Variants in NOL4 observed in about 807,000 individuals in gnomAD.
NOL4 encodes cancer/testis antigen 125.
NOL4 carries 17 observed loss-of-function variants against 75.9 expected under a neutral mutation model. The observed-to-expected ratio is 0.22, with a 90% CI of 0.15 to 0.34. The LOEUF is 0.34. Ranked by LOEUF, NOL4 falls within the 10% of genes least tolerant of loss-of-function variation. The probability of loss-of-function intolerance (pLI) is 1.00; values close to 1 mark genes in which losing one functional copy is unlikely to be tolerated. For synonymous variants in NOL4, 292 were observed against 289.9 expected, an observed-to-expected ratio of 1.01 and a Z score of -0.07; for missense variants, 614 against 793.5, an observed-to-expected ratio of 0.77 and a Z score of 2.72.
intron 9 of NOL4, among the ~76,000 whole-genome samples, chr18:33,900,760 C>T (rs1376154527): frequency 3.3e-5 from 5 of 152,130 alleles, no homozygotes; most frequent in Admixed American, 3.3e-4. Context: ...TTGGATCCAG[C>T]TATCTTTTAG....
intron 6 of NOL4, among the ~76,000 whole-genome samples, chr18:34,012,170 C>T (rs1037412860): frequency 6.6e-6 from 1 of 151,828 alleles, no homozygotes; most frequent in African/African-American, 2.4e-5. Context: ...TTCAAAAGGA[C>T]ACTGATTTGG....
intron 9 of NOL4, among the ~76,000 whole-genome samples, chr18:33,909,905 T>A (rs1423198083): frequency 2.0e-5 from 3 of 152,070 alleles, no homozygotes; most frequent in Non-Finnish European, 2.9e-5. Flanking sequence ...AACTAATGAT[T>A]GGGGATGGGT....
At chr18:34,201,360 C>T (rs1300140517) in intron 1 of NOL4, among the ~76,000 whole-genome samples, 2 of 151,614 alleles carry the variant, frequency 1.3e-5, no homozygotes, top group African/African-American at 4.8e-5. Flanking sequence ...GCCACAAGTC[C>T]CACAGCCAAC....
intron 5 of NOL4, among the ~76,000 whole-genome samples, chr18:34,031,168 G>A (rs1286312888): frequency 6.6e-6 from 1 of 152,142 alleles, no homozygotes; most frequent in Non-Finnish European, 1.5e-5. Context: ...ATATCCGGGT[G>A]TCTCCCAGGA....
intron 2 of NOL4, among the ~76,000 whole-genome samples, chr18:34,113,255 C>G (rs1298165013): frequency 6.6e-6 from 1 of 152,168 alleles, no homozygotes; most frequent in East Asian, 1.9e-4. Flanking sequence ...TCTGGGATTA[C>G]AGGCATGAGC....
intron 6 of NOL4, among the ~76,000 whole-genome samples, chr18:34,017,850 T>TA (rs2074793787): frequency 6.6e-6 from 1 of 152,142 alleles, no homozygotes; most frequent in Admixed American, 6.6e-5. Flanking sequence ...AAGCCATAAA[T>TA]TATTAAGTGC....
chr18:33,914,983 G>T (rs2066627229), intron 9 of NOL4, among the ~76,000 whole-genome samples: 1 of 151,962 alleles, frequency 6.6e-6, no homozygotes, highest in South Asian at 2.1e-4. Flanking sequence ...AAAGAGAAGA[G>T]GTCTAAAGCC....
At chr18:34,024,194 A>AAAAAATATAT in intron 5 of NOL4, among the ~76,000 whole-genome samples, 6 of 70,694 alleles carry the variant, frequency 8.5e-5, no homozygotes, top group African/African-American at 3.2e-4. Flanking sequence ...AAAAAAAAAA[A>AAAAAATATAT]ATATATATAT....
In NOL4 at chr18:34,035,115, C is replaced by T. The variant is rs76179095; in HGVS notation, c.773-15514G>A. Among the ~76,000 whole-genome samples the T allele has an allele frequency of 7.9e-3, 1,196 of 152,172 alleles. 18 individuals carry two copies. The highest frequency in any genetic ancestry group is 0.028 in the African/African-American group (1,156 of 41,488). ...TACACATTAGACCAAATAAACCTAACAGACATTTAAAAAAACATTACATTT... is the reference window on the plus strand; with the variant it reads ...TACACATTAGACCAAATAAACCTAATAGACATTTAAAAAAACATTACATTT... On this transcript the variant is annotated intron_variant, in intron 5 of 10. Coordinates refer to ENST00000261592, the MANE Select transcript of NOL4 (RefSeq NM_003787.5).
chr18:34,116,238 C>G (rs2079850862), intron 2 of NOL4, among the ~76,000 whole-genome samples: 1 of 152,068 alleles, frequency 6.6e-6, no homozygotes, highest in African/African-American at 2.4e-5. Flanking sequence ...CTGCAGAAAG[C>G]TCAATGATCA....
In NOL4 at chr18:34,137,779, T is replaced by TACACACACACACACACACAC. The variant is rs1156472289; in HGVS notation, c.265-7779_265-7760dup. 9.4e-4 allele frequency among the ~76,000 whole-genome samples: 138 copies of TACACACACACACACACACAC among 147,146 alleles called. 2 individuals carry two copies. Among genetic ancestry groups the TACACACACACACACACACAC allele is most frequent in the African/African-American group, 3.2e-3 (127 of 39,758 alleles). On this transcript the variant is annotated intron_variant, in intron 1 of 10. Coordinates refer to ENST00000261592, the MANE Select transcript of NOL4 (RefSeq NM_003787.5). Reference sequence around the variant, plus strand: ...AAGCCAAAATCATGTATATACGAAATACACACACACACACACACACACACA... The same window carrying TACACACACACACACACACAC: ...AAGCCAAAATCATGTATATACGAAATACACACACACACACACACACACACACACACACACACACACACACA...
chr18:34,045,806 A>G (rs1471508766), intron 5 of NOL4, among the ~76,000 whole-genome samples: 3 of 152,302 alleles, frequency 2.0e-5, no homozygotes, highest in African/African-American at 7.2e-5. Flanking sequence ...TGAATCAAAT[A>G]TGCTCAAATC....
intron 6 of NOL4, among the ~76,000 whole-genome samples, chr18:33,980,387 A>G (rs1040961295): frequency 2.6e-5 from 4 of 152,106 alleles, no homozygotes; most frequent in Non-Finnish European, 4.4e-5. Context: ...AACAGTGAAT[A>G]TCAGATAAAA....
intron 9 of NOL4, among the ~76,000 whole-genome samples, chr18:33,894,434 A>AAG (rs1260685250): frequency 1.3e-5 from 2 of 152,120 alleles, no homozygotes; most frequent in African/African-American, 4.8e-5. Context: ...CTTGCTGGCC[A>AAG]TACAAATGAT....
chr18:34,121,363 T>C (rs2080132577), intron 2 of NOL4: 3 of 152,188 alleles, frequency 2.0e-5, no homozygotes, highest in African/African-American at 7.2e-5. Context: ...CTAGAGTTCA[T>C]TGGCATGTTC....
intron 1 of NOL4, among the ~76,000 whole-genome samples, chr18:34,150,607 G>A (rs1332091505): frequency 6.6e-6 from 1 of 151,606 alleles, no homozygotes; most frequent in Admixed American, 6.6e-5. Context: ...TAGACTAAAT[G>A]TTAAATACAA....
intron 2 of NOL4, among the ~76,000 whole-genome samples, chr18:34,112,921 A>T (rs1196896393): frequency 6.6e-6 from 1 of 152,180 alleles, no homozygotes; most frequent in African/African-American, 2.4e-5. Context: ...TGATTGCGGT[A>T]ATAATTTCAC....
chr18:34,132,391 G>A lies in NOL4; in HGVS notation c.265-2371C>T, dbSNP rs115837665. The stretch of plus-strand genomic sequence containing the variant: ...ACAGGAGATACAAATTGTGCCATAG[G>A]AGCATACATTTGAAAAGTTTCACAA... On this transcript the variant is annotated intron_variant, in intron 1 of 10. Coordinates refer to ENST00000261592, the MANE Select transcript of NOL4 (RefSeq NM_003787.5). 5.1e-3 allele frequency among the ~76,000 whole-genome samples: 772 copies of A among 152,242 alleles called. 9 individuals carry two copies. The highest frequency in any genetic ancestry group is 0.017 in the African/African-American group (726 of 41,556).
intron 5 of NOL4, among the ~76,000 whole-genome samples, chr18:34,059,577 T>G (rs1441164736): frequency 2.6e-5 from 4 of 152,140 alleles, no homozygotes; most frequent in Non-Finnish European, 4.4e-5. Flanking sequence ...TCGCTTGGGA[T>G]CACTAGCTTC....
Sources: allele counts gnomAD v4.1 joint callset (sites outside exome capture counted in the v4.1 genomes callset), GRCh38; gene constraint gnomAD v4.1.1; transcripts MANE v1.5; gene names NCBI Gene and HGNC (gene_info 2026-07-23, HGNC 2026-07-21).